Variants in MYBPC1 observed in about 807,000 individuals in gnomAD.
MYBPC1 encodes myosin binding protein C1, also known as myosin-binding protein C, slow-type.
MYBPC1 carries 52 observed loss-of-function variants against 147.1 expected under a neutral mutation model. That is an observed-to-expected ratio of 0.35 (90% CI 0.28 to 0.45). The LOEUF is 0.45. MYBPC1 is among the 20% of genes least tolerant of loss of function. MYBPC1 has a pLI of 1.00. For synonymous variants in MYBPC1, 477 were observed against 475.9 expected (o/e 1.00, Z -0.03); for missense variants, 1,228 against 1,440.3 (o/e 0.85, Z 2.39).
In MYBPC1 at chr12:101,628,057, A is replaced by G. The variant is rs1889032971; in HGVS notation, c.178+253A>G. The G allele has an allele frequency of 2.5e-5, 11 of 442,608 alleles. No individual in the cohort carries two copies. In the South Asian group the frequency reaches 2.5e-4, roughly 10 times the overall value. 27.4% of individuals were successfully genotyped at this position (442,608 alleles called of 1,614,324 possible). ...TTCTATCATTTTTAATATTTAGCAA[A>G]TACACAGAGATCAATCTTCATTTTG... On this transcript the variant is annotated intron_variant, in intron 5 of 31. Coordinates refer to ENST00000361466, the MANE Select transcript of MYBPC1 (RefSeq NM_002465.4).
At position 101,678,252 on chromosome 12, in the gene MYBPC1, C is replaced by G. The variant is rs1388642142; in HGVS notation, c.3246+14C>G. The G allele has an allele frequency of 6.2e-7, 1 of 1,613,694 alleles. No homozygotes were observed. The highest frequency in any genetic ancestry group is 8.5e-7 in the Non-Finnish European group (1 of 1,179,702). On this transcript the variant is annotated intron_variant, in intron 28 of 31. Transcript: ENST00000361466. ...GGAAATCCTAAGGTACCATGTTCTT[C>G]TATCACATCAGTTAAAGTCCCTGTC...
At chr12:101,605,230 T>G (rs140711920) in intron 1 of MYBPC1, among the ~76,000 whole-genome samples, 1 of 152,356 alleles carries the variant, frequency 6.6e-6, no homozygotes, top group East Asian at 1.9e-4. Flanking sequence ...GTCTCTATTA[T>G]GGTGCACTTA....
chr12:101,673,741 T>A lies in MYBPC1; in HGVS notation c.2809+119T>A, dbSNP rs1899228080. 3 of 1,121,262 alleles carry A rather than the reference T, an allele frequency of 2.7e-6. 1 individual carries two copies. The highest frequency in any genetic ancestry group is 3.2e-5 in the African/African-American group (2 of 63,218). 69.5% of individuals were successfully genotyped at this position (1,121,262 alleles called of 1,614,324 possible). On this transcript the variant is annotated intron_variant, in intron 25 of 31. Coordinates refer to ENST00000361466, the MANE Select transcript of MYBPC1 (RefSeq NM_002465.4). The stretch of plus-strand genomic sequence containing the variant: ...CTGGCTCTACATAAAACTCTTTTTT[T>A]AGATTTATTTTTTAAAAATAGATAA...
intron 11 of MYBPC1, among the ~76,000 whole-genome samples, 162 bp from the exon 12 acceptor site, chr12:101,644,502 C>T (rs1279275888): frequency 6.6e-6 from 1 of 152,216 alleles, no homozygotes; most frequent in Non-Finnish European, 1.5e-5. Context: ...TATAAGTCAA[C>T]ACAGTGTTCG....
intron 1 of MYBPC1, among the ~76,000 whole-genome samples, chr12:101,602,845 C>T (rs2135587454): frequency 6.6e-6 from 1 of 152,278 alleles, no homozygotes; most frequent in African/African-American, 2.4e-5. Context: ...ACTCCATGAC[C>T]TCTGTTGTGT....
intron 22 of MYBPC1, chr12:101,666,928 CATA>C: frequency 2.7e-6 from 1 of 369,014 alleles, no homozygotes; most frequent in Non-Finnish European, 5.2e-6. Context: ...CACACACACA[CATA>C]CACACACACA....
intron 25 of MYBPC1, among the ~76,000 whole-genome samples, 191 bp downstream of exon 25, chr12:101,673,813 G>A (rs1303643015): frequency 6.6e-6 from 1 of 152,166 alleles, no homozygotes; most frequent in Non-Finnish European, 1.5e-5. Context: ...AGTACTTTGG[G>A]AGGCCAACGT....
intron 3 of MYBPC1, among the ~76,000 whole-genome samples, chr12:101,622,239 CA>C (rs1228925548): frequency 2.0e-5 from 3 of 152,134 alleles, no homozygotes; most frequent in Non-Finnish European, 4.4e-5. Context: ...TGGACACAAC[CA>C]GAAAGATTTG....
intron 1 of MYBPC1, among the ~76,000 whole-genome samples, chr12:101,608,485 C>T (rs561898362): frequency 6.6e-6 from 1 of 152,320 alleles, no homozygotes; most frequent in African/African-American, 2.4e-5. Context: ...GAACTTTGCC[C>T]TTTGGCTTTT....
At chr12:101,662,875 C>T (rs1179576524) in intron 21 of MYBPC1, among the ~76,000 whole-genome samples, 1 of 152,090 alleles carries the variant, frequency 6.6e-6, no homozygotes, top group East Asian at 1.9e-4. Context: ...AAGGTATTAA[C>T]CTGTTAATAT....
intron 9 of MYBPC1, among the ~76,000 whole-genome samples, chr12:101,635,187 AG>A (rs560535293): frequency 1.3e-5 from 2 of 152,068 alleles, no homozygotes; most frequent in Non-Finnish European, 2.9e-5. Flanking sequence ...TGAAAAATGG[AG>A]GGGGGGCGGT....
chr12:101,613,931 T>C (rs927518497), intron 1 of MYBPC1, among the ~76,000 whole-genome samples: 5 of 152,166 alleles, frequency 3.3e-5, no homozygotes, highest in Non-Finnish European at 5.9e-5. Flanking sequence ...TTTCAGAAAG[T>C]GTCTCTCATG....
At chr12:101,670,003 T>A (rs1400254975) in intron 23 of MYBPC1, 2 of 449,466 alleles carry the variant, frequency 4.4e-6, no homozygotes, top group Non-Finnish European at 8.2e-6. Context: ...AGAAAATGTA[T>A]TTTTCTATAA....
At chr12:101,629,116 G>C (rs558453236) in intron 5 of MYBPC1, 24 of 379,612 alleles carry the variant, frequency 6.3e-5, no homozygotes, top group East Asian at 1.3e-4. Context: ...TTGTTTACCT[G>C]TTAGGGGACA....
intron 1 of MYBPC1, among the ~76,000 whole-genome samples, chr12:101,609,523 T>G (rs953942454): frequency 1.3e-5 from 2 of 151,994 alleles, no homozygotes; most frequent in African/African-American, 4.8e-5. Flanking sequence ...GCTCAAGCGA[T>G]CCTCCCACCT....
chr12:101,609,124 C>T (rs1883339757), intron 1 of MYBPC1, among the ~76,000 whole-genome samples: 2 of 151,968 alleles, frequency 1.3e-5, no homozygotes, highest in Non-Finnish European at 2.9e-5. Context: ...AAGAAAAGTC[C>T]CCATCTACTG....
chr12:101,676,045 A>ACACATATT (rs1899901035), intron 26 of MYBPC1, among the ~76,000 whole-genome samples: 2 of 152,210 alleles, frequency 1.3e-5, no homozygotes, highest in African/African-American at 4.8e-5. Context: ...ATGCAGCCCA[A>ACACATATT]CACATATTTG....
At chr12:101,598,166 C>T (rs1878202345) in intron 1 of MYBPC1, among the ~76,000 whole-genome samples, 1 of 151,944 alleles carries the variant, frequency 6.6e-6, no homozygotes, top group South Asian at 2.1e-4. Context: ...ATTACAGGTG[C>T]CCACCAACAC....
chr12:101,604,987 T>G (rs1364244972), intron 1 of MYBPC1, among the ~76,000 whole-genome samples: 2 of 152,218 alleles, frequency 1.3e-5, no homozygotes, highest in Non-Finnish European at 2.9e-5. Flanking sequence ...ATTTTGCTCC[T>G]CAGGCACCCT....
Sources: allele counts gnomAD v4.1 joint callset (sites outside exome capture counted in the v4.1 genomes callset), GRCh38; gene constraint gnomAD v4.1.1; transcripts MANE v1.5; gene names NCBI Gene and HGNC (gene_info 2026-07-23, HGNC 2026-07-21).